Variants in ZFHX3 observed in about 807,000 individuals in gnomAD.
ZFHX3 encodes the protein zinc finger homeobox 3, also known as zinc finger homeobox protein 3.
Under a neutral mutation model 279.1 loss-of-function variants are expected in ZFHX3, and 42 were observed. The observed-to-expected ratio is 0.15, with a 90% CI of 0.12 to 0.19. ZFHX3 has a LOEUF of 0.19. Ranked by LOEUF, ZFHX3 falls within the 10% of genes least tolerant of loss-of-function variation. The probability of loss-of-function intolerance (pLI) is 1.00; values close to 1 mark genes in which losing one functional copy is unlikely to be tolerated. For missense variants in ZFHX3, 4,981 were observed against 4,754.0 expected (o/e 1.05, Z -1.40); for synonymous variants, 2,293 against 1,957.8 (o/e 1.17, Z -4.52).
chr16:73,801,752 C>G (rs1451205815), intron 1 of ZFHX3, among the ~76,000 whole-genome samples: 1 of 152,154 alleles, frequency 6.6e-6, no homozygotes, highest in African/African-American at 2.4e-5. Context: ...GTCTACTTGA[C>G]CCTGTTTTTA....
intron 7 of ZFHX3, among the ~76,000 whole-genome samples, chr16:73,100,290 C>T (rs542211393): frequency 6.6e-6 from 1 of 152,282 alleles, no homozygotes; most frequent in Non-Finnish European, 1.5e-5. Flanking sequence ...TCTAGAACAG[C>T]CCAAAGCCCA....
intron 1 of ZFHX3, among the ~76,000 whole-genome samples, chr16:73,807,750 C>G (rs553754099): frequency 6.7e-6 from 1 of 149,052 alleles, no homozygotes; most frequent in East Asian, 2.0e-4. Flanking sequence ...GAATTACAGA[C>G]GTAAGCCACT....
chr16:73,014,401 A>G (rs1376219135), intron 1 of ZFHX3: 5 of 151,814 alleles, frequency 3.3e-5, no homozygotes, highest in African/African-American at 1.2e-4. Flanking sequence ...CTATGCACAC[A>G]TCGCAGTTTT....
chr16:72,809,422 GA>G (rs2036372064), intron 7 of ZFHX3: 1 of 152,156 alleles, frequency 6.6e-6, no homozygotes, highest in African/African-American at 2.4e-5. Context: ...GAAAGCTGAG[GA>G]AACCAGTAAC....
At chr16:73,417,282 T>C (rs12599734) in intron 3 of ZFHX3, among the ~76,000 whole-genome samples, 10,881 of 151,972 alleles carry the variant, frequency 0.072, 519 homozygotes, top group South Asian at 0.19. Context: ...TTTAGGATTG[T>C]GGATAGGATC....
At chr16:73,151,903 G>T (rs1966952462) in intron 5 of ZFHX3, among the ~76,000 whole-genome samples, 1 of 146,590 alleles carries the variant, frequency 6.8e-6, no homozygotes, top group African/African-American at 2.5e-5. Context: ...AAGAGAGAAA[G>T]AAAGAAAAGA....
chr16:73,888,967 T>C (rs1053604920), intron 1 of ZFHX3, among the ~76,000 whole-genome samples: 18 of 146,812 alleles, frequency 1.2e-4, no homozygotes, highest in Non-Finnish European at 2.2e-4. Flanking sequence ...AGTGCTGAGA[T>C]AAAGACCCAA....
intron 1 of ZFHX3, among the ~76,000 whole-genome samples, chr16:73,045,465 C>A (rs182916220): frequency 3.9e-5 from 6 of 152,222 alleles, no homozygotes; most frequent in African/African-American, 7.2e-5. Context: ...CTCAAAGCAG[C>A]AAGAAGGCAG....
intron 2 of ZFHX3, among the ~76,000 whole-genome samples, chr16:73,495,249 G>A (rs1422185218): frequency 6.6e-6 from 1 of 152,184 alleles, no homozygotes; most frequent in Non-Finnish European, 1.5e-5. Context: ...AATTTGAAAA[G>A]CGAATAACCC....
At chr16:73,786,132 A>T (rs1047509671) in intron 1 of ZFHX3, among the ~76,000 whole-genome samples, 1 of 152,048 alleles carries the variant, frequency 6.6e-6, no homozygotes, top group Non-Finnish European at 1.5e-5. Flanking sequence ...TGGCCTCCCA[A>T]AGTGCTGGGA....
chr16:73,524,079 C>T (rs1250658448), intron 2 of ZFHX3, among the ~76,000 whole-genome samples: 1 of 152,118 alleles, frequency 6.6e-6, no homozygotes, highest in East Asian at 1.9e-4. Flanking sequence ...CATGAATGTT[C>T]GCATAAGGGA....
intron 1 of ZFHX3, among the ~76,000 whole-genome samples, chr16:73,725,142 T>A (rs1334330657): frequency 1.3e-5 from 2 of 152,246 alleles, no homozygotes; most frequent in African/African-American, 2.4e-5. Context: ...GACAAACATC[T>A]GGTCAATCAA....
intron 3 of ZFHX3, among the ~76,000 whole-genome samples, chr16:73,360,491 G>A (rs1377884498): frequency 5.9e-5 from 9 of 152,038 alleles, no homozygotes; most frequent in Admixed American, 1.3e-4. Flanking sequence ...GGTGCCCACC[G>A]CTATGCCCAG....
chr16:73,692,410 C>T (rs182682024), intron 1 of ZFHX3, among the ~76,000 whole-genome samples: 37 of 152,262 alleles, frequency 2.4e-4, no homozygotes, highest in African/African-American at 8.4e-4. Context: ...CCCAGATGTA[C>T]AGCCAGATGC....
intron 3 of ZFHX3, among the ~76,000 whole-genome samples, chr16:73,385,665 G>C (rs1402906868): frequency 6.6e-6 from 1 of 152,192 alleles, no homozygotes; most frequent in Non-Finnish European, 1.5e-5. Context: ...GCAAATGCAG[G>C]CTTTATGTCC....
At chr16:73,004,791 C>G (rs1963646672) in intron 1 of ZFHX3, among the ~76,000 whole-genome samples, 1 of 152,118 alleles carries the variant, frequency 6.6e-6, no homozygotes, top group Non-Finnish European at 1.5e-5. Flanking sequence ...AATTTCTTCC[C>G]CACAAGGCTT....
intron 4 of ZFHX3, among the ~76,000 whole-genome samples, chr16:73,316,444 C>T (rs1045107983): frequency 2.2e-4 from 33 of 152,118 alleles, no homozygotes; most frequent in African/African-American, 6.5e-4. Flanking sequence ...GCTGGGCCTT[C>T]CCCGTTGCTC....
At chr16:72,938,764 CG>C (rs1960257880) in intron 3 of ZFHX3, among the ~76,000 whole-genome samples, 1 of 152,170 alleles carries the variant, frequency 6.6e-6, no homozygotes, top group African/African-American at 2.4e-5. Context: ...CACAAAGAGA[CG>C]GGACAGAGGT....
At chr16:73,578,727 T>C (rs2051826486) in intron 2 of ZFHX3, among the ~76,000 whole-genome samples, 1 of 151,952 alleles carries the variant, frequency 6.6e-6, no homozygotes, top group African/African-American at 2.4e-5. Flanking sequence ...TTTATTTTTA[T>C]TTTTTTTATG....
Sources: allele counts gnomAD v4.1 joint callset (sites outside exome capture counted in the v4.1 genomes callset), GRCh38; gene constraint gnomAD v4.1.1; transcripts MANE v1.5; gene names NCBI Gene and HGNC (gene_info 2026-07-23, HGNC 2026-07-21).